Variants in GFUS observed in about 807,000 individuals in gnomAD.
GFUS encodes GDP-L-fucose synthase.
GFUS carries 42 observed loss-of-function variants against 41.5 expected under a neutral mutation model. The ratio of observed to expected loss-of-function variants is 1.01; its 90% confidence interval spans 0.79 to 1.31. The LOEUF (loss-of-function observed/expected upper bound fraction) is 1.31, where lower values mean the gene tolerates loss of function less well. Ranked by LOEUF, GFUS falls within the 50% of genes most tolerant of loss-of-function variation. The pLI is 0.00. For synonymous variants in GFUS, 188 were observed against 173.4 expected (o/e 1.08, Z -0.66); for missense variants, 437 against 428.7 (o/e 1.02, Z -0.17).
chr8:143,613,177 C>T lies in GFUS; in HGVS notation c.910+19G>A. Reference sequence around the variant, plus strand: ...GGGCAGGCCTCCACCAAGTGGAGGGCTGTGGGGTCAGGGCTCACCCTGCTT... The same window carrying T: ...GGGCAGGCCTCCACCAAGTGGAGGGTTGTGGGGTCAGGGCTCACCCTGCTT... On this transcript the variant is annotated intron_variant, in intron 10 of 10. Transcript: ENST00000425753. 6.2e-7 allele frequency: 1 copy of T among 1,611,734 alleles called. No individual in the cohort carries two copies. Among genetic ancestry groups the T allele is most frequent in the Non-Finnish European group, 8.5e-7 (1 of 1,178,592 alleles).
rs191305742 is a variant in GFUS at position 143,612,916 on chromosome 8, C to T, written c.960G>A (p.Arg320=). The part of the protein sequence containing the change: ...AWFTDNYEQA[R]K ...CTGATCCTGTCTTCCAGCTTCACTT[C>T]CGGGCCTGCTCGTAGTTGTCAGTGA... The change falls in exon 11 of 11, where the codon CGG becomes CGA. Residue 320 remains arginine, a synonymous_variant. Transcript: ENST00000425753. 112 of 1,608,610 alleles carry T rather than the reference C, an allele frequency of 7.0e-5. No homozygotes were observed. The Middle Eastern group carries it at 1.2e-3, about 17-fold the overall frequency.
intron 1 of GFUS, chr8:143,616,958 C>T: frequency 3.4e-6 from 2 of 583,140 alleles, no homozygotes; most frequent in African/African-American, 1.9e-5. Context: ...AGCAGCTGGT[C>T]CCAACCCACG....
chr8:143,614,780 C>A lies in GFUS; in HGVS notation c.390+7G>T, dbSNP rs1445962103. 1 of 1,613,612 alleles carries A rather than the reference C, an allele frequency of 6.2e-7. No individual in the cohort carries two copies. The highest frequency in any genetic ancestry group is 2.2e-5 in the East Asian group (1 of 44,882). ...GGCCCCACCCACAGCCAGGCCCTGCCCCTCACCATGGTCTCATCTATCGGG... is the reference window on the plus strand; with the variant it reads ...GGCCCCACCCACAGCCAGGCCCTGCACCTCACCATGGTCTCATCTATCGGG... On this transcript the variant is annotated splice_region_variant and intron_variant, in intron 4 of 10. Transcript: ENST00000425753.
rs201598579 is a variant in GFUS at position 143,612,904 on chromosome 8, C to T, written c.*6G>A. 3.0e-4 allele frequency: 478 copies of T among 1,606,176 alleles called. 2 individuals carry two copies. The African/African-American group carries it at 5.1e-3, about 17-fold the overall frequency. ...GTCCGCTGGCACCTGATCCTGTCTTCCAGCTTCACTTCCGGGCCTGCTCGT... is the reference window on the plus strand; with the variant it reads ...GTCCGCTGGCACCTGATCCTGTCTTTCAGCTTCACTTCCGGGCCTGCTCGT... On this transcript the variant is annotated 3_prime_UTR_variant, in exon 11 of 11. Coordinates refer to ENST00000425753, the MANE Select transcript of GFUS (RefSeq NM_003313.4).
In GFUS at chr8:143,616,818, G is replaced by C; in HGVS notation, c.-11-95C>G. 4 of 1,480,904 alleles carry C rather than the reference G, an allele frequency of 2.7e-6. No individual in the cohort carries two copies. In the South Asian group the frequency reaches 3.6e-5, roughly 13 times the overall value. 91.7% of individuals were successfully genotyped at this position (1,480,904 alleles called of 1,614,324 possible). A position where few individuals can be genotyped will look rare whatever the true frequency, so the allele number is the denominator to read the frequency against. On this transcript the variant is annotated intron_variant, in intron 1 of 10. Coordinates refer to ENST00000425753, the MANE Select transcript of GFUS (RefSeq NM_003313.4). ...CAACTGGCACAGAGTGAGGCCCTCAGAGTGGGGCATAGTCCACTGGCAACC... is the reference window on the plus strand; with the variant it reads ...CAACTGGCACAGAGTGAGGCCCTCACAGTGGGGCATAGTCCACTGGCAACC...
chr8:143,613,609 G>A lies in GFUS; in HGVS notation c.731-6C>T, dbSNP rs963957128. On this transcript the variant is annotated splice_polypyrimidine_tract_variant and splice_region_variant and intron_variant, in intron 8 of 10. Transcript: ENST00000425753. ...GACCTCATCTTCCTCGCCCACTGTG[G>A]GGAGCCACCGGGTCAGGCCTCCCCT... is the stretch of plus-strand genomic sequence containing the variant. The A allele has an allele frequency of 2.5e-6, 4 of 1,611,720 alleles. No homozygotes were observed. Among genetic ancestry groups the A allele is most frequent in the African/African-American group, 2.7e-5 (2 of 74,896 alleles).
chr8:143,614,260 G>T (rs758432467), intron 6 of GFUS, 32 bp from the exon 7 acceptor site: 3 of 1,613,644 alleles, frequency 1.9e-6, no homozygotes, highest in Non-Finnish European at 2.5e-6. Flanking sequence ...AGGTGTCAGA[G>T]GCACTGGGTC....
chr8:143,616,826 C>T, intron 1 of GFUS, 103 bp from the exon 2 acceptor site: 2 of 1,409,222 alleles, frequency 1.4e-6, no homozygotes, highest in Non-Finnish European at 2.0e-6. Flanking sequence ...CAGAGTGGGG[C>T]ATAGTCCACT....
intron 3 of GFUS, 145 bp from the exon 4 acceptor site, chr8:143,615,060 A>G: frequency 1.5e-6 from 2 of 1,313,988 alleles, no homozygotes; most frequent in East Asian, 5.1e-5. Flanking sequence ...GTTTCCGGAC[A>G]AGGCAGTGGG....
Position 143,614,311 on chromosome 8 carries a change from C to T in GFUS, c.598+9G>A, listed in dbSNP as rs117266464. On this transcript the variant is annotated intron_variant, in intron 6 of 10. Transcript: ENST00000425753. Reference sequence around the variant, plus strand: ...GAGCCCGGGCACCCCATCGGACGGACGCACTCACTCTTGGCCAGGTGCACC... The same window carrying T: ...GAGCCCGGGCACCCCATCGGACGGATGCACTCACTCTTGGCCAGGTGCACC... 1.9e-4 allele frequency: 313 copies of T among 1,613,480 alleles called. 6 individuals are homozygous for T. The East Asian group carries it at 6.5e-3, about 33-fold the overall frequency.
At chr8:143,613,936 G>A (rs1411632266) in intron 7 of GFUS, 119 bp from the exon 8 acceptor site, 4 of 1,247,684 alleles carry the variant, frequency 3.2e-6, no homozygotes, top group Non-Finnish European at 4.5e-6. Context: ...TGGGGAACAG[G>A]GGTCCCTCCT....
At chr8:143,613,398 C>T (rs1829628201) in intron 9 of GFUS, 103 bp from the exon 10 acceptor site, 2 of 1,477,916 alleles carry the variant, frequency 1.4e-6, no homozygotes, top group Non-Finnish European at 1.9e-6. Flanking sequence ...CAGCAGAGCT[C>T]CTCCGCCTGC....
chr8:143,616,724 CTGTAATG>C lies in GFUS; in HGVS notation c.-11-8_-11-2del. On this transcript the variant is annotated splice_acceptor_variant and splice_polypyrimidine_tract_variant and intron_variant, in intron 1 of 10. Transcript: ENST00000425753. LOFTEE classifies it low-confidence loss of function (5UTR_SPLICE). Reference sequence around the variant, plus strand: ...TGGGGTTCACCCATGTCAGTTGCACCTGTAATGTCAAACAGTGGGAGGCTGAGGTCAT... The same window carrying C: ...TGGGGTTCACCCATGTCAGTTGCACCTCAAACAGTGGGAGGCTGAGGTCAT... 3 of 1,613,600 alleles carry C rather than the reference CTGTAATG, an allele frequency of 1.9e-6. No homozygotes were observed. The African/African-American group carries it at 4.0e-5, about 22-fold the overall frequency.
upstream of GFUS, among the ~76,000 whole-genome samples, chr8:143,617,753 C>G (rs981786306): frequency 3.9e-5 from 6 of 152,096 alleles, no homozygotes; most frequent in Non-Finnish European, 5.9e-5. Flanking sequence ...GCGCTGGGCC[C>G]AGGCCCTGCT....
Position 143,614,660 on chromosome 8 carries a change from T to C in GFUS, c.428A>G (p.Tyr143Cys). 1 of 1,607,748 alleles carries C rather than the reference T, an allele frequency of 6.2e-7. No individual in the cohort carries two copies. The highest frequency in any genetic ancestry group is 8.5e-7 in the Non-Finnish European group (1 of 1,175,196). ...NGPPHNSNFG[Y>C]SYAKRMIDVQ... ...GTCGATCATCCTCTTGGCATACGAGTACCCAAAATTGCTGTTGTGGGGAGG... is the reference window on the plus strand; with the variant it reads ...GTCGATCATCCTCTTGGCATACGAGCACCCAAAATTGCTGTTGTGGGGAGG... The change falls in exon 5 of 11, where the codon TAC (tyrosine) becomes TGC (cysteine). Residue 143 changes from tyrosine (Y) to cysteine (C), a missense_variant. Physicochemically the swap from Tyr to Cys is radical, Grantham distance 194. Coordinates refer to ENST00000425753, the MANE Select transcript of GFUS (RefSeq NM_003313.4).
intron 7 of GFUS, 38 bp downstream of exon 7, chr8:143,614,126 C>G: frequency 6.2e-7 from 1 of 1,610,080 alleles, no homozygotes; most frequent in Non-Finnish European, 8.5e-7. Context: ...CTCAATAGGG[C>G]AGGTTCTCTG....
At chr8:143,613,969 A>T in intron 7 of GFUS, 152 bp from the exon 8 acceptor site, 1 of 1,136,720 alleles carries the variant, frequency 8.8e-7, no homozygotes, top group Non-Finnish European at 1.2e-6. Context: ...GCTCAGAGCT[A>T]CGCCAGTGAC....
At chr8:143,616,517 T>C in intron 2 of GFUS, 50 bp downstream of exon 2, 1 of 1,611,856 alleles carries the variant, frequency 6.2e-7, no homozygotes, top group Non-Finnish European at 8.5e-7. Flanking sequence ...AGTTCTAGGG[T>C]GGGGGGTAGG....
rs745852063 is a variant in GFUS, at chr8:143,612,985, AG to A, written c.911-21del. Reference sequence around the variant, plus strand: ...TCACCGCTGCAGAGGCAGGCAGGTGAGGGCCATGGACAGGGAGGGTCGGGGC... The same window carrying A: ...TCACCGCTGCAGAGGCAGGCAGGTGAGGCCATGGACAGGGAGGGTCGGGGC... On this transcript the variant is annotated intron_variant, in intron 10 of 10. Coordinates refer to ENST00000425753, the MANE Select transcript of GFUS (RefSeq NM_003313.4). 1.7e-5 allele frequency: 28 copies of A among 1,607,066 alleles called. No individual in the cohort carries two copies. Among genetic ancestry groups the A allele is most frequent in the Non-Finnish European group, 2.4e-5 (28 of 1,177,790 alleles).
Sources: allele counts gnomAD v4.1 joint callset (sites outside exome capture counted in the v4.1 genomes callset), GRCh38; gene constraint gnomAD v4.1.1; transcripts MANE v1.5; gene names NCBI Gene and HGNC (gene_info 2026-07-23, HGNC 2026-07-21).